TMEM178A: variants seen among roughly 807,000 people sequenced by gnomAD.
The protein encoded by TMEM178A is transmembrane protein 178.
In TMEM178A, 12 loss-of-function variants were observed where a neutral mutation model predicts 29.1. The ratio of observed to expected loss-of-function variants is 0.41; its 90% CI spans 0.26 to 0.67. The LOEUF (loss-of-function observed/expected upper bound fraction) is 0.67. TMEM178A is among the 30% of genes least tolerant of loss of function. TMEM178A has a pLI of 0.29. For synonymous variants in TMEM178A, 210 were observed against 187.2 expected, an observed-to-expected ratio of 1.12 and a Z score of -0.99; for missense variants, 366 against 419.1, an observed-to-expected ratio of 0.87 and a Z score of 1.11.
intron 1 of TMEM178A, among the ~76,000 whole-genome samples, chr2:39,702,697 A>G (rs1671839320): frequency 6.6e-6 from 1 of 151,986 alleles, no homozygotes; most frequent in Non-Finnish European, 1.5e-5. Context: ...AGAACTTCGA[A>G]TTTTGAGAAA....
At chr2:39,708,555 A>T (rs945507749) in intron 3 of TMEM178A, among the ~76,000 whole-genome samples, 33 of 149,198 alleles carry the variant, frequency 2.2e-4, no homozygotes, top group Admixed American at 2.0e-4. Flanking sequence ...TGTAGCTGGG[A>T]CTACAGGCGC....
At chr2:39,676,024 G>T (rs1670608854) in intron 1 of TMEM178A, among the ~76,000 whole-genome samples, 1 of 152,178 alleles carries the variant, frequency 6.6e-6, no homozygotes, top group Admixed American at 6.5e-5. Context: ...GGCCTCAAGC[G>T]ATCCTCCCAC....
At chr2:39,698,708 T>TG (rs1246995016) in intron 1 of TMEM178A, among the ~76,000 whole-genome samples, 1 of 152,026 alleles carries the variant, frequency 6.6e-6, no homozygotes, top group Admixed American at 6.6e-5. Context: ...ATTTTTTTTT[T>TG]TTGTTTTGAA....
At chr2:39,679,152 T>A (rs1437374908) in intron 1 of TMEM178A, among the ~76,000 whole-genome samples, 1 of 152,182 alleles carries the variant, frequency 6.6e-6, no homozygotes, top group African/African-American at 2.4e-5. Flanking sequence ...CATCCTATCT[T>A]AAGGCCAGGG....
chr2:39,731,050 C>T, the TMEM178A span, among the ~76,000 whole-genome samples: 1 of 152,184 alleles, frequency 6.6e-6, no homozygotes, highest in African/African-American at 2.4e-5. Context: ...ATCCCATGAG[C>T]CTCAGTCTCT....
chr2:39,702,120 C>G (rs575086462), intron 1 of TMEM178A, among the ~76,000 whole-genome samples: 14 of 151,588 alleles, frequency 9.2e-5, no homozygotes, highest in African/African-American at 3.4e-4. Flanking sequence ...TGGTTGAAAA[C>G]TGGGCATTTG....
intron 3 of TMEM178A, among the ~76,000 whole-genome samples, chr2:39,716,795 C>G (rs148629944): frequency 6.6e-6 from 1 of 152,192 alleles, no homozygotes; most frequent in African/African-American, 2.4e-5. Context: ...CTCTTTCACT[C>G]CTGCATCTCC....
chr2:39,667,026 TGGCTGGTGGA>T lies in TMEM178A; in HGVS notation c.400+668_400+677del, dbSNP rs369464739. ...GGATTAGACTTCAGAGACCAATCGT[TGGCTGGTGGA>T]GGCTGGTGGAGGCTGCCCGAGGCAG... On this transcript the variant is annotated intron_variant, in intron 1 of 3. Transcript: ENST00000281961. Among the ~76,000 whole-genome samples, 475 of 152,294 alleles carry T rather than the reference TGGCTGGTGGA, an allele frequency of 3.1e-3. 1 individual carries two copies. Among genetic ancestry groups the T allele is most frequent in the African/African-American group, 0.01 (435 of 41,562 alleles).
intron 3 of TMEM178A, among the ~76,000 whole-genome samples, chr2:39,710,237 T>C (rs1276882066): frequency 6.6e-6 from 1 of 152,188 alleles, no homozygotes; most frequent in Non-Finnish European, 1.5e-5. Flanking sequence ...ACAATAAACT[T>C]GAAGTTTGAT....
At chr2:39,678,338 A>G (rs1670717038) in intron 1 of TMEM178A, among the ~76,000 whole-genome samples, 1 of 152,234 alleles carries the variant, frequency 6.6e-6, no homozygotes, top group Non-Finnish European at 1.5e-5. Context: ...CCAAATGTCC[A>G]TCAACTGATG....
chr2:39,707,199 C>G lies in TMEM178A; in HGVS notation c.652+13C>G, dbSNP rs149030387. ...TTCCTCATGACAGGTAGGCTGCATG[C>G]CTCAGGCCGTCTGTCCCAGCCAAGG... On this transcript the variant is annotated intron_variant, in intron 3 of 3. Coordinates refer to ENST00000281961, the MANE Select transcript of TMEM178A (RefSeq NM_152390.3). 6.2e-7 allele frequency: 1 copy of G among 1,603,432 alleles called. No homozygotes were observed. Among genetic ancestry groups the G allele is most frequent in the Admixed American group, 1.7e-5 (1 of 57,934 alleles).
chr2:39,670,176 G>C (rs1461885539), intron 1 of TMEM178A, among the ~76,000 whole-genome samples: 1 of 152,168 alleles, frequency 6.6e-6, no homozygotes, highest in African/African-American at 2.4e-5. Context: ...TGTGGCACTG[G>C]GAATGTGGGG....
chr2:39,719,533 A>G (rs1672662927), downstream of TMEM178A, among the ~76,000 whole-genome samples: 2 of 152,194 alleles, frequency 1.3e-5, no homozygotes, highest in Admixed American at 6.5e-5. Context: ...CTCGCTTTCT[A>G]CTTACTGTCA....
the TMEM178A span, among the ~76,000 whole-genome samples, chr2:39,728,333 C>T: frequency 6.6e-5 from 10 of 152,176 alleles, no homozygotes; most frequent in Non-Finnish European, 1.5e-4. Context: ...CACAGGAAGT[C>T]GGTGTCTCCC....
the TMEM178A span, among the ~76,000 whole-genome samples, chr2:39,724,010 T>C: frequency 1.3e-5 from 2 of 152,216 alleles, no homozygotes; most frequent in Admixed American, 1.3e-4. Context: ...ACTTTGTAAT[T>C]CTGTAAAGAA....
At chr2:39,686,079 C>G (rs552570266) in intron 1 of TMEM178A, among the ~76,000 whole-genome samples, 2 of 152,332 alleles carry the variant, frequency 1.3e-5, no homozygotes, top group African/African-American at 4.8e-5. Context: ...TTGCCCTACA[C>G]ACATGGGGGC....
chr2:39,698,850 T>C (rs1671664686), intron 1 of TMEM178A, among the ~76,000 whole-genome samples: 1 of 152,152 alleles, frequency 6.6e-6, no homozygotes, highest in African/African-American at 2.4e-5. Flanking sequence ...TTACTTGTTA[T>C]AGATGCGTTC....
chr2:39,686,962 CATGT>C (rs1255908489), intron 1 of TMEM178A, among the ~76,000 whole-genome samples: 11 of 100,502 alleles, frequency 1.1e-4, no homozygotes, highest in East Asian at 3.0e-4. Context: ...TGCACATATG[CATGT>C]GTGTGTGTGT....
chr2:39,676,665 G>C (rs1259694756), intron 1 of TMEM178A, among the ~76,000 whole-genome samples: 1 of 152,172 alleles, frequency 6.6e-6, no homozygotes, highest in African/African-American at 2.4e-5. Flanking sequence ...CACTTGGCTG[G>C]CTGACACCTG....
Sources: gnomAD v4.1 joint callset for allele counts (sites outside exome capture counted in the v4.1 genomes callset) on GRCh38, gnomAD v4.1.1 for gene constraint, MANE v1.5 for transcripts, NCBI Gene and HGNC (gene_info 2026-07-23, HGNC 2026-07-21) for gene names.